The following IKZF1 variants were observed in gnomAD, a reference collection of about 807,000 sequenced individuals.
IKZF1 encodes IKAROS family zinc finger 1.
IKZF1 carries 10 observed loss-of-function variants against 51.7 expected under a neutral mutation model. That is an observed-to-expected ratio of 0.19 (90% CI 0.12 to 0.33). The LOEUF is 0.33. IKZF1 is among the 10% of genes least tolerant of loss of function. The pLI, the probability that IKZF1 is intolerant of heterozygous loss-of-function variation, is 1.00. For synonymous variants in IKZF1, 280 were observed against 282.3 expected, an observed-to-expected ratio of 0.99 and a Z score of 0.08; for missense variants, 484 against 707.5, an observed-to-expected ratio of 0.68 and a Z score of 3.58.
intron 3 of IKZF1, among the ~76,000 whole-genome samples, chr7:50,355,543 G>A (rs1472672941): frequency 6.6e-6 from 1 of 152,034 alleles, no homozygotes; most frequent in Non-Finnish European, 1.5e-5. Flanking sequence ...AGAGGCTGTG[G>A]CCAATGCTCT....
intron 3 of IKZF1, among the ~76,000 whole-genome samples, chr7:50,373,682 G>A (rs1384924092): frequency 2.6e-5 from 4 of 152,216 alleles, no homozygotes; most frequent in Non-Finnish European, 5.9e-5. Context: ...AGATTAAGGA[G>A]TACACAGATC....
intron 3 of IKZF1, among the ~76,000 whole-genome samples, chr7:50,372,146 T>C (rs1268385123): frequency 1.3e-5 from 2 of 152,222 alleles, no homozygotes; most frequent in Non-Finnish European, 2.9e-5. Context: ...GCTTGTATTC[T>C]CCTCCTAGCT....
chr7:50,369,491 G>A (rs1006528870), intron 3 of IKZF1: 2 of 398,408 alleles, frequency 5.0e-6, no homozygotes, highest in African/African-American at 2.1e-5. Context: ...ATAAGGTATT[G>A]GTGTCTCTCT....
intron 3 of IKZF1, among the ~76,000 whole-genome samples, chr7:50,333,431 G>A (rs1434234050): frequency 5.9e-5 from 9 of 152,134 alleles, no homozygotes; most frequent in African/African-American, 2.2e-4. Flanking sequence ...GAAAGCAGCC[G>A]CTCTGGAGAT....
chr7:50,312,601 TC>T (rs774542762), intron 1 of IKZF1, among the ~76,000 whole-genome samples: 1 of 152,270 alleles, frequency 6.6e-6, no homozygotes, highest in Non-Finnish European at 1.5e-5. Context: ...TTTAAAATGT[TC>T]TGTTTCTTTT....
chr7:50,366,844 G>GT (rs1397495353), intron 3 of IKZF1, among the ~76,000 whole-genome samples: 2 of 152,206 alleles, frequency 1.3e-5, no homozygotes, highest in Non-Finnish European at 2.9e-5. Flanking sequence ...AAAGGTTATT[G>GT]TAAAACTGGC....
chr7:50,323,943 G>A (rs1794133991), intron 2 of IKZF1, among the ~76,000 whole-genome samples: 1 of 152,160 alleles, frequency 6.6e-6, no homozygotes, highest in South Asian at 2.1e-4. Flanking sequence ...TCTTAAAAAA[G>A]GGACCAGTCT....
chr7:50,304,054 G>A (rs2153302884), upstream of IKZF1: 1 of 144,690 alleles, frequency 6.9e-6, no homozygotes, highest in East Asian at 2.0e-4. Flanking sequence ...GGGGGTGGCG[G>A]CGGCGCGCCG....
intron 3 of IKZF1, among the ~76,000 whole-genome samples, chr7:50,343,238 TTCC>T (rs1799525597): frequency 9.2e-6 from 1 of 108,302 alleles, no homozygotes; most frequent in Non-Finnish European, 1.8e-5. Flanking sequence ...CCTCCCTCCC[TTCC>T]TCCTTTTTCT....
chr7:50,304,098 G>A (rs1468030250), upstream of IKZF1: 1 of 145,472 alleles, frequency 6.9e-6, no homozygotes, highest in African/African-American at 2.5e-5. Context: ...GGCTGCAGCC[G>A]GCGGCGGCGC....
At chr7:50,380,973 G>C (rs1032616438) in intron 4 of IKZF1, among the ~76,000 whole-genome samples, 5 of 152,084 alleles carry the variant, frequency 3.3e-5, no homozygotes, top group Non-Finnish European at 7.4e-5. Flanking sequence ...CCTTCTCTCT[G>C]CTTAGCTAAT....
At chr7:50,385,337 G>C (rs1412258719) in intron 5 of IKZF1, among the ~76,000 whole-genome samples, 3 of 152,214 alleles carry the variant, frequency 2.0e-5, no homozygotes, top group Admixed American at 2.0e-4. Flanking sequence ...GTGGAATGGT[G>C]ACTCCCCTGT....
intron 7 of IKZF1, among the ~76,000 whole-genome samples, chr7:50,395,610 A>G (rs1019613923): frequency 1.3e-5 from 2 of 152,338 alleles, no homozygotes; most frequent in Non-Finnish European, 2.9e-5. Context: ...TTCTGTAATC[A>G]TAATTCATAG....
chr7:50,315,640 G>A (rs1584412155), intron 1 of IKZF1, among the ~76,000 whole-genome samples: 1 of 152,178 alleles, frequency 6.6e-6, no homozygotes, highest in Non-Finnish European at 1.5e-5. Context: ...GGGTTTCCCA[G>A]GCAAAGTAGA....
upstream of IKZF1, among the ~76,000 whole-genome samples, chr7:50,303,714 G>A (rs1301200342): frequency 2.6e-5 from 4 of 152,162 alleles, no homozygotes; most frequent in Non-Finnish European, 4.4e-5. The surrounding 1 kb of genome is among the most constrained non-coding windows in gnomAD (Gnocchi z 4.7). Context: ...GGCGCTCCCA[G>A]ACACTGGGGA....
intron 4 of IKZF1, among the ~76,000 whole-genome samples, 170 bp from the exon 5 acceptor site, chr7:50,382,370 C>T (rs1307366159): frequency 1.3e-5 from 2 of 152,204 alleles, no homozygotes; most frequent in African/African-American, 2.4e-5. Flanking sequence ...ATTGACCCAG[C>T]CAGTGAAGCG....
chr7:50,372,562 C>A (rs1041296181), intron 3 of IKZF1, among the ~76,000 whole-genome samples: 2 of 152,242 alleles, frequency 1.3e-5, no homozygotes, highest in Admixed American at 6.5e-5. Flanking sequence ...ATTTTCAGTT[C>A]CTTGGCCTTG....
intron 7 of IKZF1, among the ~76,000 whole-genome samples, chr7:50,397,079 C>T (rs1268147644): frequency 6.6e-6 from 1 of 152,168 alleles, no homozygotes; most frequent in Non-Finnish European, 1.5e-5. Flanking sequence ...AGATATGAGG[C>T]TATGAGGGAA....
At position 50,376,399 on chromosome 7, in the gene IKZF1, C is replaced by A; in HGVS notation, c.161-134C>A. On this transcript the variant is annotated intron_variant, in intron 3 of 7. Transcript: ENST00000331340. The surrounding 1 kb of genome is among the most constrained non-coding windows in gnomAD (Gnocchi z 4.5). ...ATGCACGGCGAGCTCAGGCTGCTCT[C>A]CCCTTGGTATTTGCTAAGAACTTCT... 7.0e-7 allele frequency: 1 copy of A among 1,433,518 alleles called. No individual in the cohort carries two copies. The highest frequency in any genetic ancestry group is 9.4e-7 in the Non-Finnish European group (1 of 1,067,250). 88.8% of individuals were successfully genotyped at this position (1,433,518 alleles called of 1,614,324 possible). A position where few individuals can be genotyped will look rare whatever the true frequency, so the allele number is the denominator to read the frequency against.
Sources: allele counts gnomAD v4.1 joint callset (sites outside exome capture counted in the v4.1 genomes callset), GRCh38; gene constraint gnomAD v4.1.1; non-coding constraint Gnocchi (gnomAD v3.1); transcripts MANE v1.5; gene names NCBI Gene and HGNC (gene_info 2026-07-23, HGNC 2026-07-21).